The following ZFPM1 variants were observed in gnomAD, a reference collection of about 807,000 sequenced individuals.
ZFPM1 encodes the protein zinc finger protein, FOG family member 1.
Under a neutral mutation model 46.3 loss-of-function variants are expected in ZFPM1, and 28 were observed. The ratio of observed to expected loss-of-function variants is 0.60; its 90% CI spans 0.45 to 0.83. The LOEUF (loss-of-function observed/expected upper bound fraction) is 0.83, where lower values mean the gene tolerates loss of function less well. Ranked by LOEUF, ZFPM1 falls within the 40% of genes least tolerant of loss-of-function variation. The probability of loss-of-function intolerance (pLI) is 0.00; values close to 1 mark genes in which losing one functional copy is unlikely to be tolerated. For synonymous variants in ZFPM1, 957 were observed against 675.9 expected, an observed-to-expected ratio of 1.42 and a Z score of -6.45; for missense variants, 1,878 against 1,432.4, an observed-to-expected ratio of 1.31 and a Z score of -5.02.
intron 1 of ZFPM1, among the ~76,000 whole-genome samples, chr16:88,458,680 C>G (rs535693740): frequency 6.6e-6 from 1 of 152,192 alleles, no homozygotes; most frequent in Non-Finnish European, 1.5e-5. Flanking sequence ...CGGCCACACT[C>G]GGGGCCCTGG....
rs778090472 is a variant in ZFPM1, at chr16:88,471,861, C to T, written c.41-14078C>T. 4.6e-5 allele frequency among the ~76,000 whole-genome samples: 7 copies of T among 152,252 alleles called. No individual in the cohort carries two copies. The highest frequency in any genetic ancestry group is 2.1e-4 in the South Asian group (1 of 4,836). On this transcript the variant is annotated intron_variant, in intron 1 of 9. Transcript: ENST00000319555. This position sits in a 1 kb window ranked among gnomAD's most constrained non-coding sequence, Gnocchi z 4.1. ...GCGGGCTGGGAGGGCTCTGGGCCTC[C>T]GGCTGGCTGTGCACCATGTTCCACT... is the stretch of plus-strand genomic sequence containing the variant.
At chr16:88,483,311 G>A (rs1909047924) in intron 1 of ZFPM1, among the ~76,000 whole-genome samples, 1 of 151,710 alleles carries the variant, frequency 6.6e-6, no homozygotes, top group Non-Finnish European at 1.5e-5. Context: ...CTCCCCGGTG[G>A]CCCCAGGATG....
In ZFPM1 at chr16:88,469,948, G is replaced by T. The variant is rs541830150; in HGVS notation, c.41-15991G>T. On this transcript the variant is annotated intron_variant, in intron 1 of 9. Transcript: ENST00000319555. This position sits in a 1 kb window ranked among gnomAD's most constrained non-coding sequence, Gnocchi z 4.3. Reference sequence around the variant, plus strand: ...ACGCAGCCCTCCCAGTCTGCAGAGGGGTCTCCACACATGCAGGCAGCTCTG... The same window carrying T: ...ACGCAGCCCTCCCAGTCTGCAGAGGTGTCTCCACACATGCAGGCAGCTCTG... 6.6e-6 allele frequency among the ~76,000 whole-genome samples: 1 copy of T among 152,188 alleles called. No homozygotes were observed. Among genetic ancestry groups the T allele is most frequent in the South Asian group, 2.1e-4 (1 of 4,814 alleles).
chr16:88,497,961 C>A lies in ZFPM1; in HGVS notation c.268+8808C>A, dbSNP rs1338119089. Among the ~76,000 whole-genome samples the A allele has an allele frequency of 6.6e-6, 1 of 152,216 alleles. No homozygotes were observed. The highest frequency in any genetic ancestry group is 1.5e-5 in the Non-Finnish European group (1 of 68,020). On this transcript the variant is annotated intron_variant, in intron 3 of 9. Coordinates refer to ENST00000319555, the MANE Select transcript of ZFPM1 (RefSeq NM_153813.3). This position sits in a 1 kb window ranked among gnomAD's most constrained non-coding sequence, Gnocchi z 5.4. ...AGCAGGGAGATGGGCCGATAGGCGA[C>A]TGGCTCCCTCCCCACCCGGTGTGCG...
chr16:88,534,495 CCGGCGCGCT>C lies in ZFPM1; in HGVS notation c.2542_2550del (p.Ala848_Gly850del), dbSNP rs1913119458. On this transcript the variant is annotated inframe_deletion, in exon 10 of 10. Coordinates refer to ENST00000319555, the MANE Select transcript of ZFPM1 (RefSeq NM_153813.3). ...TACTCGTGCCCCGCTGCGCCACCGC[CCGGCGCGCT>C]CGGCCTGCCCGCCGCCGCCTGCCCC... 2.0e-6 allele frequency: 3 copies of C among 1,466,774 alleles called. No individual in the cohort carries two copies. In the African/African-American group the frequency reaches 4.4e-5, roughly 22 times the overall value. 90.9% of individuals were successfully genotyped at this position (1,466,774 alleles called of 1,614,324 possible).
Position 88,515,280 on chromosome 16 carries a change from G to A in ZFPM1, c.402+760G>A, listed in dbSNP as rs530990312. On this transcript the variant is annotated intron_variant, in intron 4 of 9. Coordinates refer to ENST00000319555, the MANE Select transcript of ZFPM1 (RefSeq NM_153813.3). ...GCCTTTTGCAGCTGAGCGGGCAGAC[G>A]CATGTCCCAGGCCGCTCAGGGAGTC... Among the ~76,000 whole-genome samples, 547 of 152,328 alleles carry A rather than the reference G, an allele frequency of 3.6e-3. 5 individuals carry two copies. The highest frequency in any genetic ancestry group is 2.1e-3 in the Non-Finnish European group (143 of 68,018).
At chr16:88,460,617 G>C (rs1446099773) in intron 1 of ZFPM1, among the ~76,000 whole-genome samples, 1 of 152,228 alleles carries the variant, frequency 6.6e-6, no homozygotes, top group Non-Finnish European at 1.5e-5. Flanking sequence ...AGGATGGAGG[G>C]TGTGGCTCTC....
intron 1 of ZFPM1, among the ~76,000 whole-genome samples, chr16:88,472,003 C>T (rs527939127): frequency 6.6e-6 from 1 of 152,368 alleles, no homozygotes; most frequent in South Asian, 2.1e-4. Context: ...AGGAGCCCGG[C>T]AGGGCCAAAC....
chr16:88,507,880 T>C (rs1910745981), intron 3 of ZFPM1, among the ~76,000 whole-genome samples: 3 of 152,164 alleles, frequency 2.0e-5, no homozygotes, highest in African/African-American at 7.2e-5. Flanking sequence ...CAGGCCATCC[T>C]GGGCTCCACT....
Position 88,532,904 on chromosome 16 carries a change from G to A in ZFPM1, c.1158G>A (p.Gly386=). ...PGSKGEIYSP[G]AGHPATKLPP... ...CCAAGGGTGAGATCTACTCGCCAGGGGCCGGACACCCAGCAACCAAGCTGC... is the reference window on the plus strand; with the variant it reads ...CCAAGGGTGAGATCTACTCGCCAGGAGCCGGACACCCAGCAACCAAGCTGC... The change falls in exon 9 of 10, where the codon GGG becomes GGA. Residue 386 remains glycine (G), a synonymous_variant. Transcript: ENST00000319555. The A allele has an allele frequency of 1.2e-6, 2 of 1,613,238 alleles. No individual in the cohort carries two copies. The highest frequency in any genetic ancestry group is 1.7e-6 in the Non-Finnish European group (2 of 1,179,962).
rs1208026580 is a variant in ZFPM1, at chr16:88,469,610, G to A, written c.40+15932G>A. Among the ~76,000 whole-genome samples, 1 of 152,228 alleles carries A rather than the reference G, an allele frequency of 6.6e-6. No individual in the cohort carries two copies. The highest frequency in any genetic ancestry group is 1.5e-5 in the Non-Finnish European group (1 of 68,034). On this transcript the variant is annotated intron_variant, in intron 1 of 9. Coordinates refer to ENST00000319555, the MANE Select transcript of ZFPM1 (RefSeq NM_153813.3). This position sits in a 1 kb window ranked among gnomAD's most constrained non-coding sequence, Gnocchi z 4.3. Reference sequence around the variant, plus strand: ...GTTCTGCATCCACCCACACTGCACAGTGGGTCTTGCTGGCAAGACCAGGAT... The same window carrying A: ...GTTCTGCATCCACCCACACTGCACAATGGGTCTTGCTGGCAAGACCAGGAT...
At chr16:88,462,370 G>A (rs762754030) in intron 1 of ZFPM1, among the ~76,000 whole-genome samples, 9 of 152,218 alleles carry the variant, frequency 5.9e-5, no homozygotes, top group Non-Finnish European at 1.2e-4. Context: ...GGGCATCCCC[G>A]TTCTGCCCTT....
At chr16:88,507,839 C>G (rs1910744046) in intron 3 of ZFPM1, among the ~76,000 whole-genome samples, 1 of 152,194 alleles carries the variant, frequency 6.6e-6, no homozygotes, top group African/African-American at 2.4e-5. Flanking sequence ...TGGGCCCAGC[C>G]CCACAGCCCT....
At chr16:88,474,141 C>T (rs914677995) in intron 1 of ZFPM1, among the ~76,000 whole-genome samples, 6 of 152,206 alleles carry the variant, frequency 3.9e-5, no homozygotes, top group Non-Finnish European at 7.3e-5. Context: ...ACCAATCTCT[C>T]CCCTATCAGC....
At chr16:88,461,501 T>C (rs1262089259) in intron 1 of ZFPM1, among the ~76,000 whole-genome samples, 1 of 152,160 alleles carries the variant, frequency 6.6e-6, no homozygotes, top group East Asian at 1.9e-4. Context: ...AGTGGCTGTA[T>C]CTGGGGCCTC....
chr16:88,534,708 C>T lies in ZFPM1; in HGVS notation c.2750C>T (p.Pro917Leu), dbSNP rs1913145793. 4.1e-6 allele frequency: 4 copies of T among 981,716 alleles called. No individual in the cohort carries two copies. Among genetic ancestry groups the T allele is most frequent in the Non-Finnish European group, 4.8e-6 (4 of 828,028 alleles). 60.8% of individuals were successfully genotyped at this position (981,716 alleles called of 1,614,324 possible). A position where few individuals can be genotyped will look rare whatever the true frequency, so the allele number is the denominator to read the frequency against. ...AASPQPGSRG[P>L]RDGLGPEPQE... is the part of the protein sequence containing the mutation. ...TCCCCGCAGCCCGGGTCCCGTGGCC[C>T]CCGGGACGGCCTCGGCCCGGAGCCC... is the stretch of plus-strand genomic sequence containing the variant. Residue 917 changes from proline (P) to leucine (L), a missense_variant, in exon 10 of 10, where the codon CCC becomes CTC. Pro to Leu is a moderately conservative substitution (Grantham distance 98). Transcript: ENST00000319555.
Position 88,534,292 on chromosome 16 carries a change from C to T in ZFPM1, c.2334C>T (p.Gly778=), listed in dbSNP as rs1283858857. ...GGCCCGGAAGCGGAAGCGGAAGCGG[C>T]CCCGGCCTCGCCCCTGCGCGCTCGC... The part of the protein sequence containing the change: ...SPRPGSGSGS[G]PGLAPARSPG... The change falls in exon 10 of 10, where the codon GGC becomes GGT. Residue 778 remains glycine, a synonymous_variant. Transcript: ENST00000319555. 7.2e-5 allele frequency: 88 copies of T among 1,215,706 alleles called. No individual in the cohort carries two copies. Among genetic ancestry groups the T allele is most frequent in the Non-Finnish European group, 8.6e-5 (84 of 978,516 alleles). The allele number at this position is 1,215,706 out of a possible 1,614,324, so 75.3% of individuals were successfully genotyped here. A position where few individuals can be genotyped will look rare whatever the true frequency, so the allele number is the denominator to read the frequency against.
rs933403818 is a variant in ZFPM1, at chr16:88,519,588, GTGGATGGA to G, written c.402+5080_402+5087del. Reference sequence around the variant, plus strand: ...GATGGATGGATGAATGGGAGGGTGGGTGGATGGATGGATGGATGGGAGAGTGGGTGGAT... The same window carrying G: ...GATGGATGGATGAATGGGAGGGTGGGTGGATGGATGGGAGAGTGGGTGGAT... On this transcript the variant is annotated intron_variant, in intron 4 of 9. Coordinates refer to ENST00000319555, the MANE Select transcript of ZFPM1 (RefSeq NM_153813.3). Among the ~76,000 whole-genome samples, 5 of 141,012 alleles carry G rather than the reference GTGGATGGA, an allele frequency of 3.5e-5. No homozygotes were observed. In the East Asian group the frequency reaches 9.2e-4, roughly 26 times the overall value. The allele number at this position is 141,012 out of a possible 152,430, so 92.5% of individuals were successfully genotyped here.
intron 1 of ZFPM1, among the ~76,000 whole-genome samples, chr16:88,473,691 G>A (rs1020411796): frequency 1.3e-5 from 2 of 152,132 alleles, no homozygotes; most frequent in Admixed American, 1.3e-4. Flanking sequence ...TGGGGAGGGG[G>A]GTCGCTCCCC....
Sources: allele counts gnomAD v4.1 joint callset (sites outside exome capture counted in the v4.1 genomes callset), GRCh38; gene constraint gnomAD v4.1.1; non-coding constraint Gnocchi (gnomAD v3.1); transcripts MANE v1.5; gene names NCBI Gene and HGNC (gene_info 2026-07-23, HGNC 2026-07-21).